Variants in CNTN5 observed in about 807,000 individuals in gnomAD.
The protein encoded by CNTN5 is contactin-5.
In CNTN5, 77 loss-of-function variants were observed where a neutral mutation model predicts 129.1. The ratio of observed to expected loss-of-function variants is 0.60; its 90% CI spans 0.50 to 0.72. The LOEUF (loss-of-function observed/expected upper bound fraction) is 0.72, where lower values mean the gene tolerates loss of function less well. CNTN5 is among the 30% of genes least tolerant of loss of function. CNTN5 has a pLI of 0.00. For synonymous variants in CNTN5, 509 were observed against 465.6 expected, an observed-to-expected ratio of 1.09 and a Z score of -1.20; for missense variants, 1,478 against 1,328.8, an observed-to-expected ratio of 1.11 and a Z score of -1.75.
At chr11:99,415,529 G>A (rs559479797) in intron 2 of CNTN5, among the ~76,000 whole-genome samples, 2 of 152,188 alleles carry the variant, frequency 1.3e-5, no homozygotes, top group East Asian at 1.9e-4. Context: ...GAAAAGAGGG[G>A]GAAAGTTAAA....
chr11:99,556,112 CT>C (rs1948654996), intron 2 of CNTN5, 32 bp from the exon 3 acceptor site: 3 of 549,824 alleles, frequency 5.5e-6, no homozygotes, highest in Non-Finnish European at 9.2e-6. Flanking sequence ...TTTATTTCCT[CT>C]GTTTAAGAAA....
chr11:99,658,658 G>C (rs1457499879), intron 3 of CNTN5, among the ~76,000 whole-genome samples: 1 of 147,472 alleles, frequency 6.8e-6, no homozygotes, highest in East Asian at 1.9e-4. Context: ...GATCACCTGA[G>C]GTCAGGGGTT....
intron 1 of CNTN5, among the ~76,000 whole-genome samples, chr11:99,319,636 C>A (rs995594342): frequency 6.6e-6 from 1 of 152,104 alleles, no homozygotes; most frequent in Non-Finnish European, 1.5e-5. Flanking sequence ...AAATTATATA[C>A]ATTATTGACA....
chr11:99,195,002 A>G (rs988652524), intron 1 of CNTN5, among the ~76,000 whole-genome samples: 1 of 152,284 alleles, frequency 6.6e-6, no homozygotes, highest in Admixed American at 6.5e-5. Flanking sequence ...TACAGCCCCC[A>G]ATGATTCAAA....
At chr11:100,201,753 G>A (rs1290349409) in intron 15 of CNTN5, among the ~76,000 whole-genome samples, 1 of 151,930 alleles carries the variant, frequency 6.6e-6, no homozygotes, top group Non-Finnish European at 1.5e-5. Context: ...AGATACTGTG[G>A]TGTGTTGCCC....
intron 2 of CNTN5, among the ~76,000 whole-genome samples, chr11:99,503,419 A>G (rs1050059533): frequency 2.0e-5 from 3 of 152,220 alleles, no homozygotes; most frequent in Non-Finnish European, 4.4e-5. Context: ...AAGATATGCT[A>G]GATTCTCAGC....
At chr11:99,187,870 T>C (rs1179227106) in intron 1 of CNTN5, among the ~76,000 whole-genome samples, 1 of 149,698 alleles carries the variant, frequency 6.7e-6, no homozygotes, top group Non-Finnish European at 1.5e-5. Flanking sequence ...AGAAACCACA[T>C]AGCATTATAC....
intron 8 of CNTN5, among the ~76,000 whole-genome samples, chr11:99,966,927 A>G (rs1951110045): frequency 1.3e-5 from 2 of 152,126 alleles, no homozygotes; most frequent in Non-Finnish European, 1.5e-5. Flanking sequence ...CTTGTGGACT[A>G]GTGAGAAAGA....
chr11:99,154,161 A>G (rs1565360866), intron 1 of CNTN5, among the ~76,000 whole-genome samples: 1 of 152,166 alleles, frequency 6.6e-6, no homozygotes, highest in Non-Finnish European at 1.5e-5. Flanking sequence ...GTGGGGTACA[A>G]GCACATTTCC....
chr11:100,049,159 T>TA (rs1438346439), intron 9 of CNTN5, among the ~76,000 whole-genome samples: 1 of 152,100 alleles, frequency 6.6e-6, no homozygotes, highest in Non-Finnish European at 1.5e-5. Flanking sequence ...TGTGTACATA[T>TA]AAAGTATATT....
intron 1 of CNTN5, among the ~76,000 whole-genome samples, chr11:99,246,962 AC>A (rs1248621680): frequency 6.6e-6 from 1 of 152,142 alleles, no homozygotes; most frequent in Non-Finnish European, 1.5e-5. Flanking sequence ...TTTGGCTGAA[AC>A]CTTTAAAATG....
At chr11:99,798,328 A>G (rs1324637589) in intron 3 of CNTN5, among the ~76,000 whole-genome samples, 1 of 152,162 alleles carries the variant, frequency 6.6e-6, no homozygotes, top group Admixed American at 6.5e-5. Context: ...GCATTTAAGG[A>G]CATAGTGATA....
At chr11:99,439,707 CAAAAAAA>C (rs376871051) in intron 2 of CNTN5, among the ~76,000 whole-genome samples, 1 of 95,468 alleles carries the variant, frequency 1.0e-5, no homozygotes, top group African/African-American at 4.3e-5. Context: ...GACTCTGTCT[CAAAAAAA>C]AAAAAAAAAA....
chr11:100,009,821 C>T (rs975646003), intron 9 of CNTN5, among the ~76,000 whole-genome samples: 1 of 152,088 alleles, frequency 6.6e-6, no homozygotes, highest in African/African-American at 2.4e-5. Context: ...CTTTTGCTGG[C>T]TGCCCATCCA....
chr11:99,870,530 T>G (rs1364057068), intron 6 of CNTN5, among the ~76,000 whole-genome samples: 1 of 152,080 alleles, frequency 6.6e-6, no homozygotes, highest in African/African-American at 2.4e-5. Flanking sequence ...AGGTCACAAA[T>G]ACATCTTTTT....
intron 4 of CNTN5, among the ~76,000 whole-genome samples, chr11:99,830,277 C>G (rs772762540): frequency 6.6e-6 from 1 of 152,118 alleles, no homozygotes; most frequent in Non-Finnish European, 1.5e-5. Flanking sequence ...ATGGTAAACA[C>G]AATCTGCACT....
At chr11:100,315,290 G>A (rs1170996603) in intron 21 of CNTN5, among the ~76,000 whole-genome samples, 1 of 152,114 alleles carries the variant, frequency 6.6e-6, no homozygotes, top group African/African-American at 2.4e-5. Flanking sequence ...AATAAACCAA[G>A]CATTTTGACT....
intron 3 of CNTN5, among the ~76,000 whole-genome samples, chr11:99,767,276 A>G (rs945832184): frequency 2.6e-5 from 4 of 152,222 alleles, no homozygotes; most frequent in African/African-American, 9.6e-5. Context: ...AACTAATGCC[A>G]AGTGGTAATT....
intron 13 of CNTN5, among the ~76,000 whole-genome samples, chr11:100,176,275 C>T (rs1947960513): frequency 1.3e-5 from 2 of 152,152 alleles, no homozygotes; most frequent in Admixed American, 1.3e-4. Flanking sequence ...CCACCTCTGC[C>T]TCCCAAAGTG....
Sources: allele counts gnomAD v4.1 joint callset (sites outside exome capture counted in the v4.1 genomes callset), GRCh38; gene constraint gnomAD v4.1.1; transcripts MANE v1.5; gene names NCBI Gene and HGNC (gene_info 2026-07-23, HGNC 2026-07-21).